ASAP2: variants seen among roughly 807,000 people sequenced by gnomAD.
ASAP2 encodes ArfGAP with SH3 domain, ankyrin repeat and PH domain 2.
A neutral mutation model predicts 131.4 loss-of-function variants in ASAP2; 45 were observed. That is an observed-to-expected ratio of 0.34 (90% confidence interval 0.27 to 0.44). The LOEUF is 0.44. Among genes scored for constraint, ASAP2 ranks in the 20% least tolerant of loss-of-function variants. The pLI, the probability that ASAP2 is intolerant of heterozygous loss-of-function variation, is 1.00. For synonymous variants in ASAP2, 510 were observed against 503.0 expected, an observed-to-expected ratio of 1.01 and a Z score of -0.19; for missense variants, 1,011 against 1,297.0, an observed-to-expected ratio of 0.78 and a Z score of 3.39.
chr2:9,364,625 G>C (rs1328584250), intron 15 of ASAP2, among the ~76,000 whole-genome samples: 2 of 152,216 alleles, frequency 1.3e-5, no homozygotes, highest in African/African-American at 4.8e-5. Context: ...TTAATAAGCT[G>C]TCAAATGTTA....
At chr2:9,381,077 G>C (rs1441721927) in intron 20 of ASAP2, among the ~76,000 whole-genome samples, 1 of 152,166 alleles carries the variant, frequency 6.6e-6, no homozygotes, top group East Asian at 1.9e-4. Context: ...TGCTGTGGTG[G>C]GACAACTGGA....
intron 24 of ASAP2, among the ~76,000 whole-genome samples, chr2:9,397,803 G>T (rs1676287028): frequency 8.4e-6 from 1 of 119,666 alleles, no homozygotes; most frequent in Non-Finnish European, 1.6e-5. Context: ...CTGTCGCCCA[G>T]GCTGGAGTGC....
At chr2:9,234,458 G>C (rs1169359952) in intron 1 of ASAP2, among the ~76,000 whole-genome samples, 1 of 152,174 alleles carries the variant, frequency 6.6e-6, no homozygotes, top group Non-Finnish European at 1.5e-5. Context: ...ATGGCGGCGC[G>C]TGGCCTTGCA....
At position 9,385,313 on chromosome 2, in the gene ASAP2, C is replaced by T. The variant is rs1675183663; in HGVS notation, c.2085C>T (p.His695=). The T allele has an allele frequency of 1.2e-6, 2 of 1,614,188 alleles. No individual in the cohort carries two copies. The highest frequency in any genetic ancestry group is 1.1e-5 in the South Asian group (1 of 91,084). The change falls in exon 21 of 28, where the codon CAC becomes CAT. Residue 695 remains histidine (H), a synonymous_variant. Coordinates refer to ENST00000281419, the MANE Select transcript of ASAP2 (RefSeq NM_003887.3). ...TTGAATATGAATGGCGACTACTCCA[C>T]GAAGACCTGGATGAAAGTGATGACG... ...VHVEYEWRLL[H]EDLDESDDDM... is the part of the protein sequence containing the mutation.
At position 9,350,825 on chromosome 2, in the gene ASAP2, A is replaced by G. The variant is rs1378928725; in HGVS notation, c.1041A>G (p.Ala347=). 1.9e-6 allele frequency: 3 copies of G among 1,613,688 alleles called. No individual in the cohort carries two copies. The highest frequency in any genetic ancestry group is 2.5e-6 in the Non-Finnish European group (3 of 1,179,744). Residue 347 remains alanine, a synonymous_variant, in exon 12 of 28, where the codon GCA becomes GCG. Transcript: ENST00000281419. Reference sequence around the variant, plus strand: ...TTAAACAGGCTAACCGGCCTCCTGCAAAGCTCAACCTGCTAACCTGCCAGG... The same window carrying G: ...TTAAACAGGCTAACCGGCCTCCTGCGAAGCTCAACCTGCTAACCTGCCAGG... ...ISHGTANRPP[A]KLNLLTCQVK...
At chr2:9,298,083 C>G (rs1300413588) in intron 3 of ASAP2, among the ~76,000 whole-genome samples, 2 of 152,124 alleles carry the variant, frequency 1.3e-5, no homozygotes, top group East Asian at 3.9e-4. Context: ...GTGGGCAGCC[C>G]AAGAGGGCTG....
At chr2:9,353,379 A>G (rs1368214214) in intron 12 of ASAP2, among the ~76,000 whole-genome samples, 2 of 152,128 alleles carry the variant, frequency 1.3e-5, no homozygotes, top group Non-Finnish European at 2.9e-5. Context: ...AGACTGGGCA[A>G]CATAGCAAGA....
chr2:9,290,740 G>A (rs1415560146), intron 2 of ASAP2, among the ~76,000 whole-genome samples: 2 of 152,166 alleles, frequency 1.3e-5, no homozygotes, highest in Non-Finnish European at 2.9e-5. Flanking sequence ...GTGAGCGCTG[G>A]GTCTGAGGCC....
At chr2:9,257,580 A>G (rs1177379309) in intron 1 of ASAP2, among the ~76,000 whole-genome samples, 5 of 152,188 alleles carry the variant, frequency 3.3e-5, no homozygotes, top group Non-Finnish European at 7.3e-5. Context: ...GTGCAGTGGC[A>G]CGATCTCCAT....
chr2:9,215,665 GTTTT>G (rs34518071), intron 1 of ASAP2, among the ~76,000 whole-genome samples: 1 of 136,560 alleles, frequency 7.3e-6, no homozygotes. Flanking sequence ...TGTTTAGCTA[GTTTT>G]TTTTTTTTTT....
Position 9,207,295 on chromosome 2 carries a change from C to T in ASAP2, c.126+65C>T, listed in dbSNP as rs1315826654. The T allele has an allele frequency of 8.9e-6, 13 of 1,456,068 alleles. No individual in the cohort carries two copies. The highest frequency in any genetic ancestry group is 5.3e-5 in the South Asian group (4 of 74,936). The allele number at this position is 1,456,068 out of a possible 1,614,324, so 90.2% of individuals were successfully genotyped here. ...CGCGCCCCAGCCCCGCCCGCCGCTCCCGCATCCGCATCCCGAGAAAACTTT... is the reference window on the plus strand; with the variant it reads ...CGCGCCCCAGCCCCGCCCGCCGCTCTCGCATCCGCATCCCGAGAAAACTTT... On this transcript the variant is annotated intron_variant, in intron 1 of 27. Coordinates refer to ENST00000281419, the MANE Select transcript of ASAP2 (RefSeq NM_003887.3). This position sits in a 1 kb window ranked among gnomAD's most constrained non-coding sequence, Gnocchi z 4.1.
intron 1 of ASAP2, among the ~76,000 whole-genome samples, chr2:9,248,906 A>T (rs1664519595): frequency 6.6e-6 from 1 of 152,188 alleles, no homozygotes; most frequent in Admixed American, 6.5e-5. Flanking sequence ...TCTACCTGTC[A>T]TGGAAGCTCT....
At chr2:9,312,544 G>A (rs1049970445) in intron 3 of ASAP2, among the ~76,000 whole-genome samples, 2 of 152,152 alleles carry the variant, frequency 1.3e-5, no homozygotes, top group African/African-American at 4.8e-5. Flanking sequence ...TGGTATCCAG[G>A]CTAGAAATAA....
At chr2:9,270,932 A>G (rs1400421826) in intron 1 of ASAP2, among the ~76,000 whole-genome samples, 1 of 150,886 alleles carries the variant, frequency 6.6e-6, no homozygotes, top group African/African-American at 2.4e-5. Flanking sequence ...AGCTGGGACT[A>G]CAGGTGCCCG....
chr2:9,325,927 C>T (rs543375302), intron 6 of ASAP2, among the ~76,000 whole-genome samples: 1 of 152,294 alleles, frequency 6.6e-6, no homozygotes, highest in South Asian at 2.1e-4. Context: ...TAACAGTAAA[C>T]TCACAGTTTT....
intron 26 of ASAP2, 147 bp from the exon 27 acceptor site, chr2:9,401,127 C>A: frequency 1.0e-6 from 1 of 983,884 alleles, no homozygotes; most frequent in Non-Finnish European, 1.5e-6. Flanking sequence ...TCCTGAGCTG[C>A]ACTGACCTGC....
At chr2:9,292,079 T>A (rs1667851762) in intron 2 of ASAP2, among the ~76,000 whole-genome samples, 1 of 152,146 alleles carries the variant, frequency 6.6e-6, no homozygotes, top group South Asian at 2.1e-4. Context: ...GTCATCACCC[T>A]CTCTGAGCTT....
At position 9,342,519 on chromosome 2, in the gene ASAP2, A is replaced by G. The variant is rs114013651; in HGVS notation, c.850-2013A>G. On this transcript the variant is annotated intron_variant, in intron 9 of 27. Transcript: ENST00000281419. ...ATCACAATTAATTCAAAATGAGTCAAAGAGCTAAATGAGAGCTGAGACTAT... is the reference window on the plus strand; with the variant it reads ...ATCACAATTAATTCAAAATGAGTCAGAGAGCTAAATGAGAGCTGAGACTAT... Among the ~76,000 whole-genome samples, 442 of 152,356 alleles carry G rather than the reference A, an allele frequency of 2.9e-3. 3 individuals carry two copies. The highest frequency in any genetic ancestry group is 0.01 in the African/African-American group (427 of 41,588).
At chr2:9,218,376 G>T (rs1662200304) in intron 1 of ASAP2, among the ~76,000 whole-genome samples, 1 of 152,226 alleles carries the variant, frequency 6.6e-6, no homozygotes. Context: ...CCTCCTTAGA[G>T]CTGAGGGGCC....
Sources: allele counts gnomAD v4.1 joint callset (sites outside exome capture counted in the v4.1 genomes callset), GRCh38; gene constraint gnomAD v4.1.1; non-coding constraint Gnocchi (gnomAD v3.1); transcripts MANE v1.5; gene names NCBI Gene and HGNC (gene_info 2026-07-23, HGNC 2026-07-21).